The following GMDS variants were observed in gnomAD, a reference collection of about 807,000 sequenced individuals.
The protein encoded by GMDS is GDP-mannose 4,6-dehydratase.
Under a neutral mutation model 49.9 loss-of-function variants are expected in GMDS, and 20 were observed. That is an observed-to-expected ratio of 0.40 (90% confidence interval 0.28 to 0.58). The LOEUF is 0.58. Among genes scored for constraint, GMDS ranks in the 20% least tolerant of loss-of-function variants. The probability of loss-of-function intolerance (pLI) is 0.42; values close to 1 mark genes in which losing one functional copy is unlikely to be tolerated. For missense variants in GMDS, 362 were observed against 481.4 expected, an observed-to-expected ratio of 0.75 and a Z score of 2.32; for synonymous variants, 177 against 178.6, an observed-to-expected ratio of 0.99 and a Z score of 0.07.
chr6:1,677,964 A>G (rs970759858), intron 9 of GMDS, among the ~76,000 whole-genome samples: 1 of 152,174 alleles, frequency 6.6e-6, no homozygotes, highest in African/African-American at 2.4e-5. Flanking sequence ...AAATAAAAAC[A>G]TTTGAATAAA....
chr6:1,909,548 T>C (rs1272897880), intron 7 of GMDS, among the ~76,000 whole-genome samples: 6 of 152,222 alleles, frequency 3.9e-5, no homozygotes, highest in Non-Finnish European at 8.8e-5. Flanking sequence ...CAGTAGTCAC[T>C]GAGGGTGATT....
At chr6:1,726,888 T>A (rs1766611591) in intron 8 of GMDS, among the ~76,000 whole-genome samples, 6 of 151,788 alleles carry the variant, frequency 4.0e-5, no homozygotes, top group Admixed American at 3.9e-4. Context: ...ATAAATTAAT[T>A]AATATAAATT....
At chr6:2,201,083 G>A (rs1014724658) in intron 1 of GMDS, among the ~76,000 whole-genome samples, 1 of 140,876 alleles carries the variant, frequency 7.1e-6, no homozygotes, top group Non-Finnish European at 1.5e-5. Flanking sequence ...TCTAGGCAGT[G>A]AGGGCAGCAT....
chr6:2,146,131 A>T (rs1776547874), intron 1 of GMDS, among the ~76,000 whole-genome samples: 1 of 152,258 alleles, frequency 6.6e-6, no homozygotes, highest in South Asian at 2.1e-4. Flanking sequence ...CAGATTAGCC[A>T]AAGTTTGATA....
rs1432734131 is a variant in GMDS, at chr6:1,871,167, G to C, written c.771+58936C>G. 5.3e-5 allele frequency among the ~76,000 whole-genome samples: 8 copies of C among 152,230 alleles called. No individual in the cohort carries two copies. The East Asian group carries it at 1.2e-3, about 22-fold the overall frequency. ...AGGGTTAAAAGGGGCTGGCCAGAAAGGGGAGGGGAGAACAAGCTGGGGGAC... is the reference window on the plus strand; with the variant it reads ...AGGGTTAAAAGGGGCTGGCCAGAAACGGGAGGGGAGAACAAGCTGGGGGAC... On this transcript the variant is annotated intron_variant, in intron 7 of 10. Transcript: ENST00000380815.
intron 1 of GMDS, among the ~76,000 whole-genome samples, chr6:2,185,167 G>A (rs578140823): frequency 6.6e-6 from 1 of 152,320 alleles, no homozygotes; most frequent in East Asian, 1.9e-4. Context: ...GCTAAGCAGT[G>A]AAGTATGCCA....
At chr6:1,781,157 G>T (rs1769066863) in intron 7 of GMDS, among the ~76,000 whole-genome samples, 1 of 152,040 alleles carries the variant, frequency 6.6e-6, no homozygotes, top group Non-Finnish European at 1.5e-5. Context: ...CTGACCAACA[G>T]TAAGAAAATG....
chr6:1,787,487 G>A (rs1202358637), intron 7 of GMDS, among the ~76,000 whole-genome samples: 1 of 152,174 alleles, frequency 6.6e-6, no homozygotes, highest in Non-Finnish European at 1.5e-5. Context: ...TTCACTTACA[G>A]TAAGGGAAAA....
chr6:1,693,134 ACC>A (rs1459138973), intron 9 of GMDS, among the ~76,000 whole-genome samples: 1 of 152,146 alleles, frequency 6.6e-6, no homozygotes, highest in Admixed American at 6.6e-5. Context: ...CGAACACCCT[ACC>A]AATGCCCTGT....
chr6:1,648,482 G>C (rs1286348147), intron 9 of GMDS, among the ~76,000 whole-genome samples: 1 of 152,190 alleles, frequency 6.6e-6, no homozygotes, highest in Non-Finnish European at 1.5e-5. Context: ...ATAAAGTATG[G>C]CTTAATTTCA....
At chr6:1,933,877 A>C (rs1485202432) in intron 6 of GMDS, among the ~76,000 whole-genome samples, 1 of 152,094 alleles carries the variant, frequency 6.6e-6, no homozygotes, top group Non-Finnish European at 1.5e-5. Context: ...TTATCTTTTA[A>C]TTTTGATGAA....
chr6:1,972,801 A>G lies in GMDS; in HGVS notation c.346-11835T>C, dbSNP rs536509183. On this transcript the variant is annotated intron_variant, in intron 4 of 10. Coordinates refer to ENST00000380815, the MANE Select transcript of GMDS (RefSeq NM_001500.4). ...TCTGCCCATCACTGCTTAAGTTCCA[A>G]TGTTTACCAGGCCCACTGCCAGGTC... Among the ~76,000 whole-genome samples the G allele has an allele frequency of 4.0e-4, 61 of 152,292 alleles. 1 individual carries two copies. The South Asian group carries it at 0.011, about 26-fold the overall frequency.
chr6:2,011,698 T>G (rs1767569509), intron 4 of GMDS, among the ~76,000 whole-genome samples: 1 of 152,208 alleles, frequency 6.6e-6, no homozygotes, highest in African/African-American at 2.4e-5. Context: ...AGGATTTGCC[T>G]GAGGCAAGGA....
intron 9 of GMDS, among the ~76,000 whole-genome samples, chr6:1,642,504 A>C (rs1763361976): frequency 6.6e-6 from 1 of 152,132 alleles, no homozygotes; most frequent in Non-Finnish European, 1.5e-5. Context: ...AAGGTTCTAT[A>C]ACTGTTGCTC....
intron 4 of GMDS, among the ~76,000 whole-genome samples, chr6:2,074,643 T>C (rs562451390): frequency 6.6e-6 from 1 of 152,216 alleles, no homozygotes; most frequent in Non-Finnish European, 1.5e-5. Context: ...CAGCTTTGGG[T>C]CTTACGTTTA....
At chr6:2,243,019 T>G (rs922405679) in intron 1 of GMDS, among the ~76,000 whole-genome samples, 5 of 152,200 alleles carry the variant, frequency 3.3e-5, no homozygotes, top group Admixed American at 6.5e-5. Context: ...CAAGTGTTTA[T>G]GTGGTAGCTA....
chr6:1,879,742 A>T (rs1396316214), intron 7 of GMDS, among the ~76,000 whole-genome samples: 1 of 152,174 alleles, frequency 6.6e-6, no homozygotes, highest in East Asian at 1.9e-4. Context: ...AGATTAACCA[A>T]CTCAGACATC....
chr6:2,140,930 C>T (rs987684601), intron 1 of GMDS, among the ~76,000 whole-genome samples: 9 of 152,028 alleles, frequency 5.9e-5, no homozygotes, highest in Non-Finnish European at 1.3e-4. Context: ...TGAACTCTGC[C>T]CTGATGGAAC....
chr6:1,729,764 C>T (rs532568857), intron 8 of GMDS, among the ~76,000 whole-genome samples: 1 of 152,280 alleles, frequency 6.6e-6, no homozygotes, highest in South Asian at 2.1e-4. Flanking sequence ...AACAGCTCAC[C>T]GAGCAGGGAT....
Sources: gnomAD v4.1 joint callset for allele counts (sites outside exome capture counted in the v4.1 genomes callset) on GRCh38, gnomAD v4.1.1 for gene constraint, MANE v1.5 for transcripts, NCBI Gene and HGNC (gene_info 2026-07-23, HGNC 2026-07-21) for gene names.